Variants in OPCML observed in about 807,000 individuals in gnomAD.
The protein encoded by OPCML is opioid binding protein/cell adhesion molecule like.
In OPCML, 13 loss-of-function variants were observed where a neutral mutation model predicts 37.8. The observed-to-expected ratio is 0.34, with a 90% CI of 0.22 to 0.55. The LOEUF is 0.55. OPCML is among the 20% of genes least tolerant of loss of function. The probability of loss-of-function intolerance (pLI) is 0.91; values close to 1 mark genes in which losing one functional copy is unlikely to be tolerated. For synonymous variants in OPCML, 176 were observed against 168.8 expected (o/e 1.04, Z -0.33); for missense variants, 341 against 435.6 (o/e 0.78, Z 1.93).
intron 1 of OPCML, among the ~76,000 whole-genome samples, chr11:133,371,858 A>G (rs1944681913): frequency 6.6e-6 from 1 of 152,236 alleles, no homozygotes. Flanking sequence ...GAATGAAATC[A>G]TGTCATTTGC....
At chr11:133,081,683 C>G (rs1948719220) in intron 1 of OPCML, among the ~76,000 whole-genome samples, 1 of 152,182 alleles carries the variant, frequency 6.6e-6, no homozygotes, top group Non-Finnish European at 1.5e-5. Context: ...TGGACCTAAG[C>G]ACCTCCTCTT....
chr11:132,656,460 A>C (rs1252353763), intron 3 of OPCML, among the ~76,000 whole-genome samples: 1 of 152,204 alleles, frequency 6.6e-6, no homozygotes, highest in Non-Finnish European at 1.5e-5. Flanking sequence ...GAAGATGCTA[A>C]GTCTTCCTTC....
intron 3 of OPCML, among the ~76,000 whole-genome samples, chr11:132,561,647 T>C (rs1457255247): frequency 6.6e-6 from 1 of 152,228 alleles, no homozygotes; most frequent in Non-Finnish European, 1.5e-5. Context: ...GTGAAAATCA[T>C]TCAACTTTAG....
At chr11:133,048,236 A>G (rs879693170) in intron 1 of OPCML, among the ~76,000 whole-genome samples, 35 of 152,172 alleles carry the variant, frequency 2.3e-4, no homozygotes, top group Non-Finnish European at 5.1e-4. Context: ...CAATCCCATG[A>G]GGGATGTACT....
At chr11:133,021,348 G>A (rs538665941) in intron 1 of OPCML, among the ~76,000 whole-genome samples, 6 of 152,204 alleles carry the variant, frequency 3.9e-5, no homozygotes, top group South Asian at 2.1e-4. Context: ...CACCTCAAAC[G>A]TCAAGTGGAC....
chr11:133,368,835 A>G (rs923086116), intron 1 of OPCML, among the ~76,000 whole-genome samples: 2 of 152,212 alleles, frequency 1.3e-5, no homozygotes, highest in Admixed American at 6.5e-5. Context: ...CCTACCCAGC[A>G]TGGTATTCAG....
At chr11:132,686,512 A>G (rs1448260255) in intron 2 of OPCML, among the ~76,000 whole-genome samples, 4 of 152,196 alleles carry the variant, frequency 2.6e-5, no homozygotes, top group Non-Finnish European at 5.9e-5. Flanking sequence ...CCTTCTTCTC[A>G]TGTAAAGTCC....
intron 1 of OPCML, among the ~76,000 whole-genome samples, chr11:133,263,436 C>T (rs1279464059): frequency 6.6e-6 from 1 of 152,102 alleles, no homozygotes; most frequent in Non-Finnish European, 1.5e-5. Context: ...AGGGGTATAA[C>T]CTAGGAGCAC....
At chr11:132,579,383 A>ATGTGTGTG (rs1491229570) in intron 3 of OPCML, among the ~76,000 whole-genome samples, 1 of 101,202 alleles carries the variant, frequency 9.9e-6, no homozygotes, top group African/African-American at 4.9e-5. Flanking sequence ...GTTAGAATGA[A>ATGTGTGTG]TATGTGTGTG....
chr11:132,709,179 G>C (rs952201460), intron 2 of OPCML, among the ~76,000 whole-genome samples: 4 of 152,108 alleles, frequency 2.6e-5, no homozygotes, highest in African/African-American at 7.2e-5. Context: ...CCTTTCACTT[G>C]CCTAATGGAA....
intron 3 of OPCML, among the ~76,000 whole-genome samples, chr11:132,546,099 A>C (rs2096368015): frequency 6.6e-6 from 1 of 152,140 alleles, no homozygotes; most frequent in South Asian, 2.1e-4. Context: ...TTTCCAATTC[A>C]ATAAGTGAGA....
At chr11:133,516,262 C>A (rs1181699240) in intron 1 of OPCML, among the ~76,000 whole-genome samples, 1 of 152,216 alleles carries the variant, frequency 6.6e-6, no homozygotes, top group Non-Finnish European at 1.5e-5. Flanking sequence ...ACGCATCTCC[C>A]ACCAGCAGAC....
chr11:133,170,935 G>A (rs1050771690), intron 1 of OPCML, among the ~76,000 whole-genome samples: 9 of 152,200 alleles, frequency 5.9e-5, no homozygotes, highest in African/African-American at 2.2e-4. Flanking sequence ...TCCCTGGGGA[G>A]ACTCAGAGTT....
intron 1 of OPCML, among the ~76,000 whole-genome samples, chr11:133,490,506 G>A (rs1392034502): frequency 6.6e-6 from 1 of 152,162 alleles, no homozygotes; most frequent in African/African-American, 2.4e-5. Context: ...ACGAGGGTCA[G>A]GAGTGAGCTA....
intron 2 of OPCML, among the ~76,000 whole-genome samples, chr11:132,833,374 A>G (rs1940822053): frequency 2.0e-5 from 3 of 151,818 alleles, no homozygotes; most frequent in Admixed American, 2.0e-4. Flanking sequence ...TCACCTCCGT[A>G]TCTCATCCCA....
chr11:133,035,634 G>GC (rs558136887), intron 1 of OPCML, among the ~76,000 whole-genome samples: 142 of 152,068 alleles, frequency 9.3e-4, no homozygotes, highest in African/African-American at 3.0e-3. Flanking sequence ...ACTGAATCGT[G>GC]CCCCCCCAAA....
At chr11:133,509,745 C>T (rs1356484177) in intron 1 of OPCML, among the ~76,000 whole-genome samples, 1 of 152,216 alleles carries the variant, frequency 6.6e-6, no homozygotes, top group Non-Finnish European at 1.5e-5. Flanking sequence ...TCCTCTCTAG[C>T]TAACCTGCTT....
At chr11:133,272,981 T>C (rs1358812365) in intron 1 of OPCML, among the ~76,000 whole-genome samples, 8 of 152,240 alleles carry the variant, frequency 5.3e-5, no homozygotes, top group Admixed American at 3.9e-4. Flanking sequence ...AAGATGACAG[T>C]CTAGAACACT....
chr11:132,646,530 G>A (rs1941160200), intron 3 of OPCML, among the ~76,000 whole-genome samples: 1 of 152,254 alleles, frequency 6.6e-6, no homozygotes, highest in Non-Finnish European at 1.5e-5. Flanking sequence ...GAGAGATGAG[G>A]ATTAGGTATC....
Sources: gnomAD v4.1 joint callset for allele counts (sites outside exome capture counted in the v4.1 genomes callset) on GRCh38, gnomAD v4.1.1 for gene constraint, MANE v1.5 for transcripts, NCBI Gene and HGNC (gene_info 2026-07-23, HGNC 2026-07-21) for gene names.